The following SMIM23 variants were observed in gnomAD, a reference collection of about 807,000 sequenced individuals.
The protein encoded by SMIM23 is CTB-78H18.1.
SMIM23 carries 10 observed loss-of-function variants against 12.8 expected under a neutral mutation model. The observed-to-expected ratio is 0.78, with a 90% CI of 0.48 to 1.32. SMIM23 has a LOEUF of 1.32. SMIM23 is among the 40% of genes most tolerant of loss of function. The pLI is 0.00. For synonymous variants in SMIM23, 78 were observed against 80.1 expected, an observed-to-expected ratio of 0.97 and a Z score of 0.14; for missense variants, 184 against 198.2, an observed-to-expected ratio of 0.93 and a Z score of 0.43.
chr5:171,785,226 G>A (rs1755792257), upstream of SMIM23, among the ~76,000 whole-genome samples: 3 of 152,106 alleles, frequency 2.0e-5, no homozygotes, highest in Admixed American at 6.5e-5. Context: ...TTGGTAGAGT[G>A]TATCAATGTC....
chr5:171,774,424 C>T, the SMIM23 span: 13 of 456,324 alleles, frequency 2.8e-5, no homozygotes, highest in African/African-American at 2.4e-4. Context: ...TATGGGAACC[C>T]AGGTCTGCTC....
chr5:171,788,845 A>C (rs950473604), intron 1 of SMIM23, among the ~76,000 whole-genome samples: 1 of 151,928 alleles, frequency 6.6e-6, no homozygotes, highest in Non-Finnish European at 1.5e-5. Flanking sequence ...GTGTAGAAAA[A>C]AAAATTTTTT....
upstream of SMIM23, chr5:171,785,811 A>G: frequency 7.5e-7 from 1 of 1,327,350 alleles, no homozygotes; most frequent in Non-Finnish European, 1.0e-6. Context: ...CAGGTGGGGG[A>G]GGGGAAGGGT....
upstream of SMIM23, among the ~76,000 whole-genome samples, chr5:171,778,743 T>C (rs1755680686): frequency 6.6e-6 from 1 of 152,188 alleles, no homozygotes; most frequent in Non-Finnish European, 1.5e-5. Flanking sequence ...TTGTAATAAT[T>C]CATTATAGAA....
chr5:171,786,751 T>C (rs1755824304), intron 1 of SMIM23, among the ~76,000 whole-genome samples: 1 of 152,190 alleles, frequency 6.6e-6, no homozygotes, highest in Non-Finnish European at 1.5e-5. Flanking sequence ...GGGGCCTTCA[T>C]GGGCACCCAT....
upstream of SMIM23, among the ~76,000 whole-genome samples, chr5:171,781,057 G>C (rs562346685): frequency 5.3e-5 from 8 of 152,314 alleles, no homozygotes; most frequent in East Asian, 1.5e-3. Flanking sequence ...AAAGCACTTT[G>C]CACAATGCCC....
At chr5:171,777,815 A>G (rs912949247), upstream of SMIM23, among the ~76,000 whole-genome samples, 2 of 152,102 alleles carry the variant, frequency 1.3e-5, no homozygotes, top group African/African-American at 4.8e-5. Context: ...CACCCATCAG[A>G]TGAGTCTTGG....
chr5:171,787,713 T>C (rs1156929186), intron 1 of SMIM23, among the ~76,000 whole-genome samples: 1 of 152,260 alleles, frequency 6.6e-6, no homozygotes, highest in Non-Finnish European at 1.5e-5. Flanking sequence ...TACACACAGA[T>C]CAAACTATGG....
intron 1 of SMIM23, among the ~76,000 whole-genome samples, chr5:171,789,127 G>A (rs764807872): frequency 3.3e-5 from 5 of 152,238 alleles, no homozygotes; most frequent in Admixed American, 6.5e-5. Flanking sequence ...GCGCCACCGC[G>A]CCTGGCCTAG....
At chr5:171,783,114 C>T (rs550062739), upstream of SMIM23, among the ~76,000 whole-genome samples, 3 of 152,100 alleles carry the variant, frequency 2.0e-5, no homozygotes, top group South Asian at 6.2e-4. Flanking sequence ...TGTACAAAAG[C>T]TATATGCCAA....
At chr5:171,775,370 A>T in the SMIM23 span, among the ~76,000 whole-genome samples, 2 of 149,798 alleles carry the variant, frequency 1.3e-5, no homozygotes, top group Non-Finnish European at 3.0e-5. Context: ...CCCTGCTGTC[A>T]CGTGTCTCCT....
chr5:171,776,095 T>A, the SMIM23 span, among the ~76,000 whole-genome samples: 1 of 152,228 alleles, frequency 6.6e-6, no homozygotes, highest in Non-Finnish European at 1.5e-5. Flanking sequence ...GGTCTTGAAC[T>A]CCTGACCTCA....
upstream of SMIM23, among the ~76,000 whole-genome samples, chr5:171,779,899 G>A (rs931213017): frequency 4.6e-5 from 7 of 151,982 alleles, no homozygotes; most frequent in African/African-American, 1.7e-4. Context: ...ACTACCTGAG[G>A]TTCCAGTTTG....
At chr5:171,774,586 TCCCTA>T in the SMIM23 span, 1 of 455,868 alleles carries the variant, frequency 2.2e-6, no homozygotes, top group South Asian at 1.6e-5. Context: ...TGGCACACTG[TCCCTA>T]CCCTGCCCTG....
the SMIM23 span, chr5:171,774,690 A>G: frequency 2.4e-6 from 1 of 424,942 alleles, no homozygotes. Flanking sequence ...AGTGTCTTGG[A>G]TGCAGAAGAG....
chr5:171,774,360 CAG>C, the SMIM23 span: 2 of 454,284 alleles, frequency 4.4e-6, no homozygotes, highest in South Asian at 1.6e-5. Flanking sequence ...ACTGAGCCAG[CAG>C]AGAGACAGGA....
chr5:171,778,185 C>A (rs1755670426), upstream of SMIM23, among the ~76,000 whole-genome samples: 1 of 152,014 alleles, frequency 6.6e-6, no homozygotes, highest in South Asian at 2.1e-4. Context: ...CACGGTGAAA[C>A]CCTGTCTACA....
chr5:171,782,660 G>A (rs1008362682), upstream of SMIM23: 4 of 152,186 alleles, frequency 2.6e-5, no homozygotes, highest in Non-Finnish European at 5.9e-5. Flanking sequence ...AATATTTACT[G>A]AGCCAAGTAC....
Position 171,791,129 on chromosome 5 carries a change from G to C in SMIM23, c.*41G>C. On this transcript the variant is annotated 3_prime_UTR_variant, in exon 4 of 4. Transcript: ENST00000523047. Reference sequence around the variant, plus strand: ...TCAGGCAAGAAAATAAAGTAGTTGGGAAATGAAGTCCGCTGTTCACATTCA... The same window carrying C: ...TCAGGCAAGAAAATAAAGTAGTTGGCAAATGAAGTCCGCTGTTCACATTCA... 1.4e-6 allele frequency: 2 copies of C among 1,443,784 alleles called. No individual in the cohort carries two copies. Among genetic ancestry groups the C allele is most frequent in the Non-Finnish European group, 1.8e-6 (2 of 1,103,606 alleles). The allele number at this position is 1,443,784 out of a possible 1,614,324, so 89.4% of individuals were successfully genotyped here.
Sources: allele counts gnomAD v4.1 joint callset (sites outside exome capture counted in the v4.1 genomes callset), GRCh38; gene constraint gnomAD v4.1.1; transcripts MANE v1.5; gene names NCBI Gene and HGNC (gene_info 2026-07-23, HGNC 2026-07-21).